RNF14: variants seen among roughly 807,000 people sequenced by gnomAD.
RNF14 encodes the protein ring finger protein 14, also known as E3 ubiquitin-protein ligase RNF14.
In RNF14, 26 loss-of-function variants were observed where a neutral mutation model predicts 52.6. The observed-to-expected ratio is 0.49, with a 90% confidence interval of 0.36 to 0.69. The LOEUF (loss-of-function observed/expected upper bound fraction) is 0.69, where lower values mean the gene tolerates loss of function less well. Ranked by LOEUF, RNF14 falls within the 30% of genes least tolerant of loss-of-function variation. RNF14 has a pLI of 0.00. For missense variants in RNF14, 404 were observed against 560.4 expected (o/e 0.72, Z 2.82); for synonymous variants, 194 against 202.0 (o/e 0.96, Z 0.34).
intron 8 of RNF14, among the ~76,000 whole-genome samples, chr5:141,987,156 G>A (rs757190809): frequency 2.6e-5 from 4 of 152,204 alleles, no homozygotes; most frequent in Admixed American, 6.5e-5. Context: ...CTTAGGGAAA[G>A]AAAGCCTAAT....
At chr5:141,951,711 T>A in the RNF14 span, 2 of 760,780 alleles carry the variant, frequency 2.6e-6, no homozygotes, top group Non-Finnish European at 4.6e-6. Flanking sequence ...TTCAGATGTT[T>A]GTGTGATCAG....
chr5:141,957,186 G>C, upstream of RNF14: 1 of 1,614,180 alleles, frequency 6.2e-7, no homozygotes, highest in African/African-American at 1.3e-5. This position sits in a 1 kb window ranked among gnomAD's most constrained non-coding sequence, Gnocchi z 4.3. Flanking sequence ...CTGACTTGGG[G>C]GGGTTCCCAT....
chr5:141,954,944 G>A, upstream of RNF14: 1 of 1,590,100 alleles, frequency 6.3e-7, no homozygotes, highest in Non-Finnish European at 8.6e-7. Flanking sequence ...GGAGTGACCA[G>A]AGAAAGAGCT....
chr5:141,960,298 A>C (rs2126934701), intron 1 of RNF14, among the ~76,000 whole-genome samples: 1 of 152,358 alleles, frequency 6.6e-6, no homozygotes, highest in South Asian at 2.1e-4. Flanking sequence ...AGAGGCCAGT[A>C]GAATGGCTCT....
chr5:141,966,854 C>G (rs902835006), upstream of RNF14: 1 of 152,298 alleles, frequency 6.6e-6, no homozygotes, highest in Non-Finnish European at 1.5e-5. Context: ...GGCTTCCTCA[C>G]TTTTTTCCTC....
chr5:141,979,717 G>A (rs1754596033), intron 5 of RNF14, among the ~76,000 whole-genome samples: 1 of 151,982 alleles, frequency 6.6e-6, no homozygotes, highest in Non-Finnish European at 1.5e-5. Flanking sequence ...GTGCAAAATA[G>A]CATGACTCCA....
At chr5:141,981,938 CATT>C (rs1754826792) in intron 6 of RNF14, among the ~76,000 whole-genome samples, 2 of 151,986 alleles carry the variant, frequency 1.3e-5, no homozygotes, top group African/African-American at 4.8e-5. Context: ...AGCAGACTGT[CATT>C]ATTTCCAAGA....
chr5:141,985,672 C>T (rs919801972), intron 8 of RNF14, among the ~76,000 whole-genome samples: 1 of 152,192 alleles, frequency 6.6e-6, no homozygotes, highest in African/African-American at 2.4e-5. Context: ...TCTGCCTCAG[C>T]CTCCTGAGTA....
At chr5:141,960,776 C>T (rs1484549754) in intron 1 of RNF14, among the ~76,000 whole-genome samples, 1 of 152,202 alleles carries the variant, frequency 6.6e-6, no homozygotes, top group Non-Finnish European at 1.5e-5. Flanking sequence ...CACAGATGTG[C>T]CCTCCAGAAA....
intron 6 of RNF14, 152 bp downstream of exon 6, chr5:141,980,503 T>A: frequency 1.5e-6 from 1 of 659,660 alleles, no homozygotes; most frequent in Non-Finnish European, 2.6e-6. Flanking sequence ...CTTGGGGCTG[T>A]AGTAGTGACC....
chr5:141,950,767 A>C, the RNF14 span, among the ~76,000 whole-genome samples: 1 of 152,168 alleles, frequency 6.6e-6, no homozygotes, highest in African/African-American at 2.4e-5. Context: ...TTTGCCACTC[A>C]CTTGTTACAT....
upstream of RNF14, chr5:141,955,486 C>T (rs916655339): frequency 6.2e-7 from 1 of 1,614,158 alleles, no homozygotes; most frequent in Non-Finnish European, 8.5e-7. The surrounding 1 kb of genome is among the most constrained non-coding windows in gnomAD (Gnocchi z 5.5). Flanking sequence ...CCCGACTTCA[C>T]AAGGCTCACC....
chr5:141,983,565 G>T lies in RNF14; in HGVS notation c.1236+13G>T, dbSNP rs1370305951. On this transcript the variant is annotated intron_variant, in intron 7 of 8. Transcript: ENST00000394520. ...AACTCCCATAGAGGTAAATGTTTTGGGACAGACTTGGAGGCCATCAGACTT... is the reference window on the plus strand; with the variant it reads ...AACTCCCATAGAGGTAAATGTTTTGTGACAGACTTGGAGGCCATCAGACTT... 8.7e-6 allele frequency: 14 copies of T among 1,601,146 alleles called. No homozygotes were observed. Among genetic ancestry groups the T allele is most frequent in the South Asian group, 1.1e-5 (1 of 89,194 alleles).
Position 141,973,638 on chromosome 5 carries a change from C to A in RNF14, c.50C>A (p.Ala17Glu), listed in dbSNP as rs758207002. 9.3e-6 allele frequency: 15 copies of A among 1,613,720 alleles called. No individual in the cohort carries two copies. Among genetic ancestry groups the A allele is most frequent in the Non-Finnish European group, 1.1e-5 (13 of 1,179,776 alleles). The change falls in exon 3 of 9, where the codon GCA becomes GAA. Residue 17 changes from alanine to glutamate, a missense_variant. By Grantham distance (107) the Ala-to-Glu change is moderately radical. Coordinates refer to ENST00000394520, the MANE Select transcript of RNF14 (RefSeq NM_004290.5). ...CAGGAGGATGAATTGCTGGCCCTGG[C>A]AAGTATTTACGATGGAGATGAATTT... ...EAQEDELLAL[A>E]SIYDGDEFRK...
At chr5:141,952,519 A>G in the RNF14 span, 1,379 of 152,354 alleles carry the variant, frequency 9.1e-3, 26 homozygotes, top group African/African-American at 0.032. Context: ...GAAAGGCTGG[A>G]AGAGAAGGTA....
At chr5:141,956,995 T>C (rs761305315), upstream of RNF14, 5 of 1,614,090 alleles carry the variant, frequency 3.1e-6, no homozygotes, top group Non-Finnish European at 2.5e-6. Flanking sequence ...TGGAGGCATG[T>C]GCTTACTGAG....
At chr5:141,981,844 C>A (rs1288319268) in intron 6 of RNF14, among the ~76,000 whole-genome samples, 1 of 150,036 alleles carries the variant, frequency 6.7e-6, no homozygotes, top group Non-Finnish European at 1.5e-5. Flanking sequence ...AGAGTGGGAC[C>A]CTGTCTCAAA....
chr5:141,965,629 G>A (rs1464466581), upstream of RNF14, among the ~76,000 whole-genome samples: 2 of 152,132 alleles, frequency 1.3e-5, no homozygotes, highest in Non-Finnish European at 1.5e-5. Flanking sequence ...TGAGGAATCG[G>A]CTCTAACCCT....
At chr5:141,983,714 C>T (rs376085381) in intron 7 of RNF14, among the ~76,000 whole-genome samples, 162 bp downstream of exon 7, 1 of 152,134 alleles carries the variant, frequency 6.6e-6, no homozygotes, top group Non-Finnish European at 1.5e-5. Flanking sequence ...ATCTTGTTAT[C>T]GACCTTAAAT....
Sources: gnomAD v4.1 joint callset for allele counts (sites outside exome capture counted in the v4.1 genomes callset) on GRCh38, gnomAD v4.1.1 for gene constraint, Gnocchi (gnomAD v3.1) non-coding constraint, MANE v1.5 for transcripts, NCBI Gene and HGNC (gene_info 2026-07-23, HGNC 2026-07-21) for gene names.